EYS: variants seen among roughly 807,000 people sequenced by gnomAD.
EYS encodes the protein protein eyes shut homolog.
A neutral mutation model predicts 282.1 loss-of-function variants in EYS; 250 were observed. That is an observed-to-expected ratio of 0.89 (90% CI 0.80 to 0.98). EYS has a LOEUF of 0.98. EYS is among the 50% of genes least tolerant of loss of function. The pLI is 0.00. For missense variants in EYS, 4,016 were observed against 3,709.0 expected, an observed-to-expected ratio of 1.08 and a Z score of -2.15; for synonymous variants, 1,355 against 1,282.9, an observed-to-expected ratio of 1.06 and a Z score of -1.20.
intron 22 of EYS, among the ~76,000 whole-genome samples, chr6:64,705,932 A>C (rs1037441432): frequency 1.3e-5 from 2 of 151,506 alleles, no homozygotes; most frequent in Non-Finnish European, 2.9e-5. Flanking sequence ...ACATGTATAC[A>C]TATGTAAGTA....
At chr6:64,167,032 T>C (rs532088701) in intron 31 of EYS, among the ~76,000 whole-genome samples, 2 of 152,336 alleles carry the variant, frequency 1.3e-5, no homozygotes, top group East Asian at 1.9e-4. Flanking sequence ...AATCAGTTTC[T>C]AAAATTATAT....
At chr6:65,623,425 G>C (rs559300484) in intron 2 of EYS, among the ~76,000 whole-genome samples, 3 of 152,110 alleles carry the variant, frequency 2.0e-5, no homozygotes, top group African/African-American at 7.2e-5. Flanking sequence ...AGATATTTCA[G>C]GTGGCTTCAG....
chr6:64,497,397 G>A (rs1392350570), intron 26 of EYS, among the ~76,000 whole-genome samples: 5 of 152,066 alleles, frequency 3.3e-5, no homozygotes, highest in African/African-American at 1.2e-4. Context: ...ATAGAATTTG[G>A]ATATCTTACA....
In EYS at chr6:64,609,806, G is replaced by A. The variant is rs186501572; in HGVS notation, c.3684+7612C>T. On this transcript the variant is annotated intron_variant, in intron 24 of 42. Coordinates refer to ENST00000503581, the MANE Select transcript of EYS (RefSeq NM_001142800.2). ...GTAGGTTGAGGCAGGAGAACCATCTGAGCCCAGAAGTTTGACGCTGCAGTG... is the reference window on the plus strand; with the variant it reads ...GTAGGTTGAGGCAGGAGAACCATCTAAGCCCAGAAGTTTGACGCTGCAGTG... 4.4e-3 allele frequency among the ~76,000 whole-genome samples: 670 copies of A among 152,084 alleles called. 3 individuals are homozygous for A. The highest frequency in any genetic ancestry group is 0.015 in the African/African-American group (633 of 41,488).
chr6:63,862,422 TA>T (rs200129282), intron 36 of EYS, among the ~76,000 whole-genome samples: 78 of 149,866 alleles, frequency 5.2e-4, no homozygotes, highest in Admixed American at 8.7e-4. Context: ...AATCTTTTTT[TA>T]AAAAAAAAAA....
At chr6:65,240,222 C>G (rs1366768692) in intron 12 of EYS, among the ~76,000 whole-genome samples, 1 of 152,122 alleles carries the variant, frequency 6.6e-6, no homozygotes, top group Non-Finnish European at 1.5e-5. Context: ...CCCGTCTTGG[C>G]CTCCCAAAGT....
chr6:65,694,267 T>A (rs1276597374), intron 1 of EYS, among the ~76,000 whole-genome samples: 2 of 147,132 alleles, frequency 1.4e-5, no homozygotes, highest in Non-Finnish European at 1.5e-5. Flanking sequence ...TCAAAAAAAA[T>A]AAAAAATAAA....
Position 64,442,478 on chromosome 6 carries a change from A to C in EYS, c.5645-3126T>G, listed in dbSNP as rs559652149. 2.6e-5 allele frequency among the ~76,000 whole-genome samples: 4 copies of C among 152,374 alleles called. No individual in the cohort carries two copies. In the South Asian group the frequency reaches 8.3e-4, roughly 32 times the overall value. On this transcript the variant is annotated intron_variant, in intron 26 of 42. Transcript: ENST00000503581. ...GCTGATATTTGCATAAGTAATGAGA[A>C]GCCAAATGTTAATCCCCCAAGATAA...
chr6:64,054,695 T>C (rs1433214309), intron 33 of EYS, among the ~76,000 whole-genome samples: 1 of 152,132 alleles, frequency 6.6e-6, no homozygotes, highest in Non-Finnish European at 1.5e-5. Flanking sequence ...CAATTAGTTA[T>C]AGTTGAATGA....
chr6:65,468,760 G>C (rs1462652674), intron 5 of EYS, among the ~76,000 whole-genome samples: 1 of 152,026 alleles, frequency 6.6e-6, no homozygotes, highest in Non-Finnish European at 1.5e-5. Flanking sequence ...TTCTGAGAGA[G>C]AAATTTCAGT....
At chr6:65,576,167 C>T (rs565636027) in intron 2 of EYS, among the ~76,000 whole-genome samples, 2 of 151,976 alleles carry the variant, frequency 1.3e-5, no homozygotes, top group African/African-American at 4.8e-5. Context: ...AACATACGTG[C>T]AAATTCCTCA....
At chr6:65,318,328 A>T in intron 11 of EYS, among the ~76,000 whole-genome samples, 1 of 151,830 alleles carries the variant, frequency 6.6e-6, no homozygotes, top group Non-Finnish European at 1.5e-5. Context: ...AGAACAAGAG[A>T]GCTCAACGTG....
At chr6:65,095,351 T>G (rs913604708) in intron 12 of EYS, among the ~76,000 whole-genome samples, 2 of 151,040 alleles carry the variant, frequency 1.3e-5, no homozygotes, top group African/African-American at 4.8e-5. Context: ...TCATGGTGAC[T>G]GCAGTTAATA....
At chr6:64,294,729 C>A (rs545604124) in intron 30 of EYS, among the ~76,000 whole-genome samples, 14 of 152,146 alleles carry the variant, frequency 9.2e-5, no homozygotes, top group African/African-American at 1.2e-4. Context: ...CTACTGATGG[C>A]TTAGTATGAT....
At chr6:64,761,045 C>T (rs1420404449) in intron 22 of EYS, among the ~76,000 whole-genome samples, 1 of 152,154 alleles carries the variant, frequency 6.6e-6, no homozygotes, top group Non-Finnish European at 1.5e-5. Flanking sequence ...TTTTCTGTCA[C>T]ATTTTTCTAC....
intron 29 of EYS, among the ~76,000 whole-genome samples, chr6:64,337,401 A>G (rs1014083390): frequency 2.0e-5 from 3 of 152,056 alleles, no homozygotes; most frequent in African/African-American, 7.2e-5. Flanking sequence ...AAATTCCTGG[A>G]AAAATACAAT....
At chr6:64,521,224 T>C (rs1777723442) in intron 26 of EYS, among the ~76,000 whole-genome samples, 1 of 151,812 alleles carries the variant, frequency 6.6e-6, no homozygotes, top group African/African-American at 2.4e-5. Context: ...GCAGTTTGCT[T>C]ACATATTAGG....
At chr6:64,956,425 T>C (rs547976794) in intron 14 of EYS, among the ~76,000 whole-genome samples, 45 of 152,324 alleles carry the variant, frequency 3.0e-4, no homozygotes, top group African/African-American at 1.1e-3. Context: ...TCTCTCATCA[T>C]GTACAAAAGT....
At chr6:64,906,541 ATAG>A (rs1218595796) in intron 16 of EYS, among the ~76,000 whole-genome samples, 17 of 152,232 alleles carry the variant, frequency 1.1e-4, no homozygotes, top group Non-Finnish European at 2.4e-4. Flanking sequence ...TAACATAATG[ATAG>A]TATATATACT....
Sources: gnomAD v4.1 joint callset for allele counts (sites outside exome capture counted in the v4.1 genomes callset) on GRCh38, gnomAD v4.1.1 for gene constraint, MANE v1.5 for transcripts, NCBI Gene and HGNC (gene_info 2026-07-23, HGNC 2026-07-21) for gene names.